SLC5A3: variants seen among roughly 807,000 people sequenced by gnomAD.
SLC5A3 encodes solute carrier family 5 member 3.
SLC5A3 carries 10 observed loss-of-function variants against 43.2 expected under a neutral mutation model. The ratio of observed to expected loss-of-function variants is 0.23; its 90% CI spans 0.14 to 0.39. The LOEUF (loss-of-function observed/expected upper bound fraction) is 0.39, where lower values mean the gene tolerates loss of function less well. Ranked by LOEUF, SLC5A3 falls within the 10% of genes least tolerant of loss-of-function variation. SLC5A3 has a pLI of 1.00. For synonymous variants in SLC5A3, 349 were observed against 322.0 expected, an observed-to-expected ratio of 1.08 and a Z score of -0.90; for missense variants, 608 against 893.4, an observed-to-expected ratio of 0.68 and a Z score of 4.07.
In SLC5A3 at chr21:34,104,159, A is replaced by T. The variant is rs969445573; in HGVS notation, c.*6804A>T. On this transcript the variant is annotated 3_prime_UTR_variant, in exon 2 of 2. Coordinates refer to ENST00000381151, the MANE Select transcript of SLC5A3 (RefSeq NM_006933.7). ...CTATACTTGACTGTGCTTCATTTTAATAAAGGATAATTTGATCTGAGTGTT... is the reference window on the plus strand; with the variant it reads ...CTATACTTGACTGTGCTTCATTTTATTAAAGGATAATTTGATCTGAGTGTT... 1 of 999,854 alleles carries T rather than the reference A, an allele frequency of 1.0e-6. No individual in the cohort carries two copies. The highest frequency in any genetic ancestry group is 1.2e-6 in the Non-Finnish European group (1 of 829,926). The allele number at this position is 999,854 out of a possible 1,614,324, so 61.9% of individuals were successfully genotyped here.
chr21:34,102,918 C>A lies in SLC5A3; in HGVS notation c.*5563C>A. Reference sequence around the variant, plus strand: ...ACCGCACAAGTTGGCAGTAGGTATCCCCAACCTAATTTATCTTGGTAAATT... The same window carrying A: ...ACCGCACAAGTTGGCAGTAGGTATCACCAACCTAATTTATCTTGGTAAATT... On this transcript the variant is annotated 3_prime_UTR_variant, in exon 2 of 2. Coordinates refer to ENST00000381151, the MANE Select transcript of SLC5A3 (RefSeq NM_006933.7). 2.0e-6 allele frequency: 2 copies of A among 999,492 alleles called. No individual in the cohort carries two copies. Among genetic ancestry groups the A allele is most frequent in the Non-Finnish European group, 2.4e-6 (2 of 829,800 alleles). The allele number at this position is 999,492 out of a possible 1,614,324, so 61.9% of individuals were successfully genotyped here.
At chr21:34,074,489 A>C (rs898827332) in intron 1 of SLC5A3, among the ~76,000 whole-genome samples, 9 of 152,070 alleles carry the variant, frequency 5.9e-5, no homozygotes, top group Admixed American at 2.6e-4. Flanking sequence ...AGGGGATTTC[A>C]GGTTTGGAGG....
Position 34,098,384 on chromosome 21 carries a change from C to T in SLC5A3, c.*1029C>T. On this transcript the variant is annotated 3_prime_UTR_variant, in exon 2 of 2. Transcript: ENST00000381151. ...GCTGGATTGCTCTACTTGATTAGAT[C>T]ATGATATATCAAGGTTGAATTTTTA... 2 of 1,000,192 alleles carry T rather than the reference C, an allele frequency of 2.0e-6. No individual in the cohort carries two copies. The highest frequency in any genetic ancestry group is 2.4e-6 in the Non-Finnish European group (2 of 829,968). The allele number at this position is 1,000,192 out of a possible 1,614,324, so 62.0% of individuals were successfully genotyped here.
chr21:34,088,314 G>C (rs11701755), intron 1 of SLC5A3, among the ~76,000 whole-genome samples: 152,343 of 152,344 alleles, frequency 1, 76,171 homozygotes, highest in Non-Finnish European at 1. Context: ...GGCAGAAAGC[G>C]TTGAACTTGG....
Position 34,104,704 on chromosome 21 carries a change from G to A in SLC5A3, c.*7349G>A. 1.0e-6 allele frequency: 1 copy of A among 1,000,300 alleles called. No homozygotes were observed. The highest frequency in any genetic ancestry group is 1.2e-6 in the Non-Finnish European group (1 of 830,000). 62.0% of individuals were successfully genotyped at this position (1,000,300 alleles called of 1,614,324 possible). A position where few individuals can be genotyped will look rare whatever the true frequency, so the allele number is the denominator to read the frequency against. The stretch of plus-strand genomic sequence containing the variant: ...TCAAACCTCAGGCCTGGGGGGATGA[G>A]GGGAAGAAGATTACCAGAAGTGCAG... On this transcript the variant is annotated 3_prime_UTR_variant, in exon 2 of 2. Coordinates refer to ENST00000381151, the MANE Select transcript of SLC5A3 (RefSeq NM_006933.7).
Position 34,098,194 on chromosome 21 carries a change from G to A in SLC5A3, c.*839G>A, listed in dbSNP as rs1979060658. On this transcript the variant is annotated 3_prime_UTR_variant, in exon 2 of 2. Coordinates refer to ENST00000381151, the MANE Select transcript of SLC5A3 (RefSeq NM_006933.7). ...TTGGAAATGACCAGCCCCCTAAGCA[G>A]TGTTTGATTAACTTATGCTAATCAG... The A allele has an allele frequency of 1.0e-6, 1 of 999,620 alleles. No individual in the cohort carries two copies. The highest frequency in any genetic ancestry group is 1.2e-6 in the Non-Finnish European group (1 of 829,544). The allele number at this position is 999,620 out of a possible 1,614,324, so 61.9% of individuals were successfully genotyped here. A position where few individuals can be genotyped will look rare whatever the true frequency, so the allele number is the denominator to read the frequency against.
chr21:34,096,467 A>T lies in SLC5A3; in HGVS notation c.1269A>T (p.Ile423=). 1.2e-6 allele frequency: 2 copies of T among 1,614,220 alleles called. No homozygotes were observed. Among genetic ancestry groups the T allele is most frequent in the Non-Finnish European group, 1.7e-6 (2 of 1,180,026 alleles). The change falls in exon 2 of 2, where the codon ATA becomes ATT. Residue 423 remains isoleucine (I), a synonymous_variant. Coordinates refer to ENST00000381151, the MANE Select transcript of SLC5A3 (RefSeq NM_006933.7). The surrounding 1 kb of genome is among the most constrained non-coding windows in gnomAD (Gnocchi z 5.9). ...TGGCATTTATGGTGGTGATCAGCAT[A>T]GCATGGGTGCCAATCATCGTGGAGA... The part of the protein sequence containing the change: ...IFVAFMVVIS[I]AWVPIIVEMQ...
At chr21:34,079,227 C>T (rs982186558) in intron 1 of SLC5A3, among the ~76,000 whole-genome samples, 8 of 152,186 alleles carry the variant, frequency 5.3e-5, no homozygotes, top group Non-Finnish European at 8.8e-5. Context: ...ACTTGAATTT[C>T]ATAAAACTTT....
chr21:34,074,148 C>T (rs1224929730), intron 1 of SLC5A3, among the ~76,000 whole-genome samples: 1 of 149,040 alleles, frequency 6.7e-6, no homozygotes, highest in African/African-American at 2.4e-5. Context: ...GTGAAGCTGC[C>T]TCGTCGCCGG....
rs137982185 is a variant in SLC5A3, at chr21:34,077,300, C to T, written c.-337+3555C>T. Among the ~76,000 whole-genome samples, 287 of 152,198 alleles carry T rather than the reference C, an allele frequency of 1.9e-3. 1 individual carries two copies. Among genetic ancestry groups the T allele is most frequent in the African/African-American group, 6.5e-3 (271 of 41,512 alleles). ...TGAAACTTTGTAGACACTTTTTATG[C>T]CTTGGGTATACAGGAAGAAGAAATC... On this transcript the variant is annotated intron_variant, in intron 1 of 1. Transcript: ENST00000381151.
In SLC5A3 at chr21:34,096,632, T is replaced by C. The variant is rs368456491; in HGVS notation, c.1434T>C (p.Phe478=). 9 of 1,614,050 alleles carry C rather than the reference T, an allele frequency of 5.6e-6. No homozygotes were observed. The highest frequency in any genetic ancestry group is 6.8e-6 in the Non-Finnish European group (8 of 1,179,998). ...CTTTCTATGGTGGAATGGCTGGCTTTGTTCTTGGAGCAGTCCGTTTGATAC... is the reference window on the plus strand; with the variant it reads ...CTTTCTATGGTGGAATGGCTGGCTTCGTTCTTGGAGCAGTCCGTTTGATAC... ...QGAFYGGMAG[F]VLGAVRLILA... Residue 478 remains phenylalanine, a synonymous_variant, in exon 2 of 2, where the codon TTT becomes TTC. Transcript: ENST00000381151. The surrounding 1 kb of genome is among the most constrained non-coding windows in gnomAD (Gnocchi z 5.9).
At chr21:34,076,197 C>G (rs1250772937) in intron 1 of SLC5A3, among the ~76,000 whole-genome samples, 1 of 152,166 alleles carries the variant, frequency 6.6e-6, no homozygotes, top group Non-Finnish European at 1.5e-5. Flanking sequence ...CAGAGCTGCT[C>G]TCCTGTTTTT....
chr21:34,078,012 T>A (rs1427204566), intron 1 of SLC5A3, among the ~76,000 whole-genome samples: 1 of 152,142 alleles, frequency 6.6e-6, no homozygotes, highest in Non-Finnish European at 1.5e-5. Flanking sequence ...TAAACTGAAG[T>A]ATGAGTCAGG....
In SLC5A3 at chr21:34,099,524, T is replaced by C; in HGVS notation, c.*2169T>C. The C allele has an allele frequency of 1.0e-6, 1 of 999,270 alleles. No individual in the cohort carries two copies. The highest frequency in any genetic ancestry group is 1.2e-6 in the Non-Finnish European group (1 of 829,236). 61.9% of individuals were successfully genotyped at this position (999,270 alleles called of 1,614,324 possible). A position where few individuals can be genotyped will look rare whatever the true frequency, so the allele number is the denominator to read the frequency against. On this transcript the variant is annotated 3_prime_UTR_variant, in exon 2 of 2. Coordinates refer to ENST00000381151, the MANE Select transcript of SLC5A3 (RefSeq NM_006933.7). ...ATTTTCTTTGAACCACATTACTGTG[T>C]AATTCACTGATAATTGACATATTGG...
At chr21:34,081,449 G>GA (rs929570835) in intron 1 of SLC5A3, among the ~76,000 whole-genome samples, 8 of 152,122 alleles carry the variant, frequency 5.3e-5, no homozygotes, top group Non-Finnish European at 1.5e-5. Context: ...CTGCTTTATA[G>GA]AAAAATGCTG....
Position 34,099,281 on chromosome 21 carries a change from G to C in SLC5A3, c.*1926G>C. The C allele has an allele frequency of 1.0e-6, 1 of 1,000,146 alleles. No individual in the cohort carries two copies. Among genetic ancestry groups the C allele is most frequent in the South Asian group, 4.7e-5 (1 of 21,286 alleles). 62.0% of individuals were successfully genotyped at this position (1,000,146 alleles called of 1,614,324 possible). Reference sequence around the variant, plus strand: ...TTTCTTGTTTGGAAGTTGAGGCTGCGACATGTCCAAGGTTATGAAGTCTCT... The same window carrying C: ...TTTCTTGTTTGGAAGTTGAGGCTGCCACATGTCCAAGGTTATGAAGTCTCT... On this transcript the variant is annotated 3_prime_UTR_variant, in exon 2 of 2. Transcript: ENST00000381151.
At position 34,100,636 on chromosome 21, in the gene SLC5A3, C is replaced by T. The variant is rs902585491; in HGVS notation, c.*3281C>T. ...TCAAGAAATTAGCTGGGACCCATCA[C>T]TCTGTGAAACTTCACATTTTAAGAA... On this transcript the variant is annotated 3_prime_UTR_variant, in exon 2 of 2. Coordinates refer to ENST00000381151, the MANE Select transcript of SLC5A3 (RefSeq NM_006933.7). The T allele has an allele frequency of 2.0e-6, 2 of 1,000,198 alleles. No homozygotes were observed. Among genetic ancestry groups the T allele is most frequent in the Non-Finnish European group, 2.4e-6 (2 of 829,966 alleles). The allele number at this position is 1,000,198 out of a possible 1,614,324, so 62.0% of individuals were successfully genotyped here.
intron 1 of SLC5A3, among the ~76,000 whole-genome samples, chr21:34,086,441 A>G (rs1297155000): frequency 1.3e-5 from 2 of 150,782 alleles, no homozygotes; most frequent in Admixed American, 6.6e-5. Flanking sequence ...ACCGGTGGTG[A>G]TTTTTCTCAT....
chr21:34,077,896 A>C (rs191795537), intron 1 of SLC5A3, among the ~76,000 whole-genome samples: 1 of 152,172 alleles, frequency 6.6e-6, no homozygotes, highest in Non-Finnish European at 1.5e-5. Flanking sequence ...ACACCTGGCA[A>C]AAGTTTTGTA....
Sources: allele counts gnomAD v4.1 joint callset (sites outside exome capture counted in the v4.1 genomes callset), GRCh38; gene constraint gnomAD v4.1.1; non-coding constraint Gnocchi (gnomAD v3.1); transcripts MANE v1.5; gene names NCBI Gene and HGNC (gene_info 2026-07-23, HGNC 2026-07-21).